ZNF705G: variants seen among roughly 807,000 people sequenced by gnomAD.
ZNF705G encodes the protein putative zinc finger protein 705G.
Under a neutral mutation model 19.6 loss-of-function variants are expected in ZNF705G, and 23 were observed. That is an observed-to-expected ratio of 1.17 (90% CI 0.84 to 1.66). The LOEUF is 1.66. ZNF705G is among the 40% of genes most tolerant of loss of function. The pLI is 0.00. For missense variants in ZNF705G, 457 were observed against 354.4 expected, an observed-to-expected ratio of 1.29 and a Z score of -2.32; for synonymous variants, 146 against 117.7, an observed-to-expected ratio of 1.24 and a Z score of -1.56.
At chr8:7,369,560 A>G (rs1182640174) in intron 2 of ZNF705G, among the ~76,000 whole-genome samples, 2 of 149,692 alleles carry the variant, frequency 1.3e-5, no homozygotes, top group African/African-American at 5.1e-5. Context: ...TGTATCCAAA[A>G]GAAAATAAAT....
chr8:7,382,864 T>C (rs1416884136), intron 1 of ZNF705G, among the ~76,000 whole-genome samples: 24 of 146,864 alleles, frequency 1.6e-4, no homozygotes, highest in Non-Finnish European at 3.1e-4. Context: ...TAGTGGTGAA[T>C]TCTGAGATTT....
At chr8:7,371,364 G>A (rs1199385391) in intron 2 of ZNF705G, among the ~76,000 whole-genome samples, 2 of 141,762 alleles carry the variant, frequency 1.4e-5, no homozygotes, top group Non-Finnish European at 3.0e-5. Context: ...GATATACCAC[G>A]TAAGTAAGTT....
intron 2 of ZNF705G, among the ~76,000 whole-genome samples, chr8:7,380,807 G>T (rs1807456718): frequency 6.9e-6 from 1 of 145,074 alleles, no homozygotes; most frequent in African/African-American, 2.9e-5. Context: ...ATCACCCGAG[G>T]TCGGGAGTTC....
intron 2 of ZNF705G, among the ~76,000 whole-genome samples, chr8:7,369,185 C>T (rs1449421848): frequency 1.3e-5 from 2 of 149,390 alleles, no homozygotes; most frequent in Admixed American, 6.6e-5. Context: ...TGGGTCACCC[C>T]ACAACATGTG....
Position 7,361,237 on chromosome 8 carries a change from C to T in ZNF705G, c.13-1G>A, listed in dbSNP as rs1324503714. 1.3e-6 allele frequency: 2 copies of T among 1,592,398 alleles called. No individual in the cohort carries two copies. The highest frequency in any genetic ancestry group is 1.4e-5 in the African/African-American group (1 of 70,744). On this transcript the variant is annotated splice_acceptor_variant, in intron 3 of 6. Transcript: ENST00000400156. LOFTEE classifies it high-confidence loss of function. ...CTACATCTTCAAAAGTCAGTTTCTT[C>T]TAAAACATCACAGACATTTTAGTTT... is the stretch of plus-strand genomic sequence containing the variant.
At chr8:7,382,923 T>A (rs1807558424) in intron 1 of ZNF705G, among the ~76,000 whole-genome samples, 1 of 147,282 alleles carries the variant, frequency 6.8e-6, no homozygotes, top group African/African-American at 2.7e-5. Context: ...ATAGGTAGTT[T>A]TGTATTCCTA....
At chr8:7,383,596 C>T (rs532130623) in intron 1 of ZNF705G, among the ~76,000 whole-genome samples, 1 of 146,990 alleles carries the variant, frequency 6.8e-6, no homozygotes, top group African/African-American at 2.7e-5. Flanking sequence ...ATTTGTGTCT[C>T]CCCATTCATC....
intron 1 of ZNF705G, among the ~76,000 whole-genome samples, chr8:7,381,862 G>T (rs1264920468): frequency 1.3e-5 from 2 of 150,672 alleles, no homozygotes; most frequent in Non-Finnish European, 2.9e-5. Flanking sequence ...TAACAAATCT[G>T]CGCATGTACC....
At chr8:7,363,707 G>A (rs923343202) in intron 2 of ZNF705G, among the ~76,000 whole-genome samples, 1 of 149,254 alleles carries the variant, frequency 6.7e-6, no homozygotes, top group African/African-American at 2.6e-5. Flanking sequence ...TGTAATCCCA[G>A]CTACTCAGGA....
In ZNF705G at chr8:7,365,105, G is replaced by A. The variant is rs1450407158; in HGVS notation, c.-71-2088C>T. 1.4e-4 allele frequency among the ~76,000 whole-genome samples: 21 copies of A among 149,666 alleles called. 3 individuals carry two copies. Among genetic ancestry groups the A allele is most frequent in the African/African-American group, 5.4e-4 (21 of 39,084 alleles). On this transcript the variant is annotated intron_variant, in intron 2 of 6. Transcript: ENST00000400156. ...GGACAAATATTATAAGAAAGTTAAAGCATACTTATTTCATAAAGGACTCTT... is the reference window on the plus strand; with the variant it reads ...GGACAAATATTATAAGAAAGTTAAAACATACTTATTTCATAAAGGACTCTT...
At position 7,357,798 on chromosome 8, in the gene ZNF705G, C is replaced by T; in HGVS notation, c.*178G>A. 1 of 1,006,342 alleles carries T rather than the reference C, an allele frequency of 9.9e-7. No homozygotes were observed. Among genetic ancestry groups the T allele is most frequent in the South Asian group, 1.8e-5 (1 of 56,518 alleles). 62.3% of individuals were successfully genotyped at this position (1,006,342 alleles called of 1,614,324 possible). On this transcript the variant is annotated 3_prime_UTR_variant, in exon 7 of 7. Coordinates refer to ENST00000400156, the MANE Select transcript of ZNF705G (RefSeq NM_001164457.3). ...CTACAGCTGAAGTCTCTTCCACATT[C>T]CTTACCTTTGTCATTCCTAACACCG...
At chr8:7,361,041 G>C (rs1435823922) in intron 4 of ZNF705G, 69 bp downstream of exon 4, 2 of 1,591,774 alleles carry the variant, frequency 1.3e-6, no homozygotes, top group Non-Finnish European at 1.7e-6. Context: ...TGGGGAAGCT[G>C]TTTTAACACT....
chr8:7,383,058 G>A (rs1807570395), intron 1 of ZNF705G, among the ~76,000 whole-genome samples: 3 of 147,552 alleles, frequency 2.0e-5, no homozygotes, highest in Admixed American at 6.6e-5. Flanking sequence ...CATTTTAGAA[G>A]CTAAAAAAGG....
At chr8:7,369,058 G>A (rs1248735523) in intron 2 of ZNF705G, among the ~76,000 whole-genome samples, 15 of 149,558 alleles carry the variant, frequency 1.0e-4, no homozygotes, top group Non-Finnish European at 2.2e-4. Context: ...GCAAGTGAGA[G>A]AATGACAGCC....
rs1280670045 is a variant in ZNF705G, at chr8:7,365,761, G to T, written c.-71-2744C>A. 3.3e-5 allele frequency among the ~76,000 whole-genome samples: 5 copies of T among 149,492 alleles called. No homozygotes were observed. The South Asian group carries it at 6.3e-4, about 19-fold the overall frequency. On this transcript the variant is annotated intron_variant, in intron 2 of 6. Transcript: ENST00000400156. ...GGACACCCGTAAAAATTAAGAGGCC[G>T]ACTTGTGACTTCCTAGCCCTTTCAC...
chr8:7,365,421 C>A lies in ZNF705G; in HGVS notation c.-71-2404G>T, dbSNP rs569327102. Reference sequence around the variant, plus strand: ...TTGGCGGAGTATCACTCTTGTTGCCCAGGCTGGAGTGCAGTGGCGCGATCT... The same window carrying A: ...TTGGCGGAGTATCACTCTTGTTGCCAAGGCTGGAGTGCAGTGGCGCGATCT... On this transcript the variant is annotated intron_variant, in intron 2 of 6. Coordinates refer to ENST00000400156, the MANE Select transcript of ZNF705G (RefSeq NM_001164457.3). Among the ~76,000 whole-genome samples, 29 of 144,474 alleles carry A rather than the reference C, an allele frequency of 2.0e-4. 2 individuals carry two copies. Among genetic ancestry groups the A allele is most frequent in the African/African-American group, 8.2e-4 (29 of 35,532 alleles). 94.8% of individuals were successfully genotyped at this position (144,474 alleles called of 152,430 possible). A position where few individuals can be genotyped will look rare whatever the true frequency, so the allele number is the denominator to read the frequency against.
intron 1 of ZNF705G, among the ~76,000 whole-genome samples, chr8:7,383,715 A>G (rs547667222): frequency 2.7e-5 from 4 of 149,450 alleles, no homozygotes; most frequent in East Asian, 1.9e-4. Flanking sequence ...CTGCCCTTAT[A>G]AAAGAGGCCT....
At chr8:7,380,839 G>A (rs1358827058) in intron 2 of ZNF705G, among the ~76,000 whole-genome samples, 15 of 143,882 alleles carry the variant, frequency 1.0e-4, no homozygotes. Context: ...GACCAACATG[G>A]AGAAACTCCA....
intron 2 of ZNF705G, among the ~76,000 whole-genome samples, chr8:7,365,258 G>A (rs71241132): frequency 0.38 from 54,977 of 146,542 alleles, 5,372 homozygotes; most frequent in African/African-American, 0.5. Context: ...TCATTAATTC[G>A]TGGAAAAAAA....
Sources: allele counts gnomAD v4.1 joint callset (sites outside exome capture counted in the v4.1 genomes callset), GRCh38; gene constraint gnomAD v4.1.1; transcripts MANE v1.5; gene names NCBI Gene and HGNC (gene_info 2026-07-23, HGNC 2026-07-21).